Variants in WWOX observed in about 807,000 individuals in gnomAD.
The protein encoded by WWOX is WW domain-containing oxidoreductase.
Under a neutral mutation model 46.2 loss-of-function variants are expected in WWOX, and 69 were observed. The ratio of observed to expected loss-of-function variants is 1.49; its 90% CI spans 1.23 to 1.82. WWOX has a LOEUF of 1.82. WWOX is among the 40% of genes most tolerant of loss of function. The probability of loss-of-function intolerance (pLI) is 0.00; values close to 1 mark genes in which losing one functional copy is unlikely to be tolerated. For synonymous variants in WWOX, 359 were observed against 202.6 expected (o/e 1.77, Z -6.56); for missense variants, 919 against 542.6 (o/e 1.69, Z -6.89).
chr16:78,623,713 C>T (rs1254795905), intron 8 of WWOX, among the ~76,000 whole-genome samples: 2 of 138,608 alleles, frequency 1.4e-5, no homozygotes, highest in African/African-American at 5.5e-5. Context: ...CCAGCCTGGG[C>T]AACAGAGTCA....
chr16:78,657,819 T>G (rs890315236), intron 8 of WWOX, among the ~76,000 whole-genome samples: 9 of 152,172 alleles, frequency 5.9e-5, no homozygotes, highest in Non-Finnish European at 8.8e-5. Context: ...TTTTGTTTTT[T>G]TGTGTGTGTG....
intron 8 of WWOX, among the ~76,000 whole-genome samples, chr16:78,830,507 A>G (rs1450988077): frequency 6.6e-6 from 1 of 151,992 alleles, no homozygotes; most frequent in East Asian, 1.9e-4. Context: ...TAGAGTAAAC[A>G]AATTACCCAT....
rs1313185926 is a variant in WWOX at position 78,099,775 on chromosome 16, A to AG, written c.-3dup. On this transcript the variant is annotated 5_prime_UTR_variant, in exon 1 of 9. Coordinates refer to ENST00000566780, the MANE Select transcript of WWOX (RefSeq NM_016373.4). ...AGGGGGGCCAGGTGCCTCCACAGTC[A>AG]GCCATGGCAGCGCTGCGCTACGCGG... 1 of 1,544,372 alleles carries AG rather than the reference A, an allele frequency of 6.5e-7. No homozygotes were observed. Among genetic ancestry groups the AG allele is most frequent in the Admixed American group, 2.1e-5 (1 of 48,756 alleles).
chr16:78,891,568 TTC>T (rs1233839311), intron 8 of WWOX: 2 of 152,240 alleles, frequency 1.3e-5, no homozygotes, highest in Non-Finnish European at 2.9e-5. Context: ...TTAAATTAAA[TTC>T]TCTGTCGATA....
chr16:78,502,692 A>C (rs554557453), intron 8 of WWOX, among the ~76,000 whole-genome samples: 96 of 152,318 alleles, frequency 6.3e-4, no homozygotes, highest in African/African-American at 2.2e-3. Flanking sequence ...CTTTGATGAC[A>C]TGTCTTGGCA....
intron 4 of WWOX, among the ~76,000 whole-genome samples, chr16:78,122,706 G>A (rs1474436925): frequency 6.6e-6 from 1 of 151,838 alleles, no homozygotes; most frequent in Non-Finnish European, 1.5e-5. Context: ...CCGGGTTGAA[G>A]TGATTCTCCT....
chr16:78,286,407 A>G (rs141458666), intron 5 of WWOX, among the ~76,000 whole-genome samples: 31 of 152,326 alleles, frequency 2.0e-4, no homozygotes, highest in African/African-American at 7.5e-4. Context: ...TAGTATTGTT[A>G]GACTTAGCTG....
At chr16:78,750,464 A>G (rs1177620610) in intron 8 of WWOX, among the ~76,000 whole-genome samples, 1 of 152,130 alleles carries the variant, frequency 6.6e-6, no homozygotes, top group Non-Finnish European at 1.5e-5. Context: ...TGTGTAAGTA[A>G]ACTGGGATTT....
At chr16:78,796,867 C>A (rs558629662) in intron 8 of WWOX, among the ~76,000 whole-genome samples, 1 of 151,058 alleles carries the variant, frequency 6.6e-6, no homozygotes, top group South Asian at 2.1e-4. Flanking sequence ...ACTCTGTCAC[C>A]TAGGCTGGAG....
intron 8 of WWOX, among the ~76,000 whole-genome samples, chr16:78,501,833 G>A (rs1388515068): frequency 1.3e-5 from 2 of 152,130 alleles, no homozygotes; most frequent in Non-Finnish European, 2.9e-5. Context: ...TGAAACTAGC[G>A]ATGCCCTGGG....
At chr16:79,028,849 G>T (rs1292561489) in intron 8 of WWOX, among the ~76,000 whole-genome samples, 1 of 151,414 alleles carries the variant, frequency 6.6e-6, no homozygotes, top group African/African-American at 2.4e-5. Context: ...TATCACAAAA[G>T]CATTCTGAAA....
At chr16:79,198,326 A>T (rs1190160383) in intron 8 of WWOX, among the ~76,000 whole-genome samples, 1 of 152,178 alleles carries the variant, frequency 6.6e-6, no homozygotes, top group Non-Finnish European at 1.5e-5. Flanking sequence ...TGAGAGACAG[A>T]CTGTCTCAAA....
intron 5 of WWOX, among the ~76,000 whole-genome samples, chr16:78,280,109 C>T (rs983365111): frequency 1.3e-5 from 2 of 152,210 alleles, no homozygotes; most frequent in African/African-American, 4.8e-5. Flanking sequence ...GCAGGCTCTA[C>T]CCAACTGGGG....
intron 8 of WWOX, among the ~76,000 whole-genome samples, chr16:78,885,700 A>G (rs769620502): frequency 7.2e-5 from 11 of 152,192 alleles, no homozygotes; most frequent in South Asian, 2.1e-4. Flanking sequence ...GGATAACTCA[A>G]TACATTAATA....
At chr16:79,138,774 A>G (rs1440694439) in intron 8 of WWOX, among the ~76,000 whole-genome samples, 2 of 152,118 alleles carry the variant, frequency 1.3e-5, no homozygotes, top group African/African-American at 4.8e-5. Context: ...CTGACATCTC[A>G]TTTCTCTTTG....
intron 8 of WWOX, among the ~76,000 whole-genome samples, chr16:78,458,570 C>A (rs193151439): frequency 2.0e-5 from 3 of 152,112 alleles, no homozygotes; most frequent in Admixed American, 2.0e-4. Context: ...CATTGGTATA[C>A]CATTGTTTTT....
At chr16:78,424,014 C>T (rs1243776502) in intron 6 of WWOX, among the ~76,000 whole-genome samples, 1 of 151,854 alleles carries the variant, frequency 6.6e-6, no homozygotes, top group Non-Finnish European at 1.5e-5. Flanking sequence ...GCGATTACCC[C>T]CTTGCTATGT....
chr16:78,449,116 C>G (rs12448381), intron 8 of WWOX, among the ~76,000 whole-genome samples: 19,419 of 152,170 alleles, frequency 0.13, 1,544 homozygotes, highest in East Asian at 0.3. Flanking sequence ...AGCCCACGTG[C>G]TTGCTGGTAG....
rs1426915335 is a variant in WWOX, at chr16:78,422,792, C to T, written c.606-2078C>T. On this transcript the variant is annotated intron_variant, in intron 6 of 8. Coordinates refer to ENST00000566780, the MANE Select transcript of WWOX (RefSeq NM_016373.4). ...ATACACACATATATATATACACACA[C>T]ACATATATATACACACACATATATA... Among the ~76,000 whole-genome samples the T allele has an allele frequency of 8.3e-5, 10 of 120,646 alleles. 1 individual carries two copies. The highest frequency in any genetic ancestry group is 4.7e-4 in the African/African-American group (10 of 21,504). The allele number at this position is 120,646 out of a possible 152,430, so 79.1% of individuals were successfully genotyped here.
Sources: gnomAD v4.1 joint callset for allele counts (sites outside exome capture counted in the v4.1 genomes callset) on GRCh38, gnomAD v4.1.1 for gene constraint, MANE v1.5 for transcripts, NCBI Gene and HGNC (gene_info 2026-07-23, HGNC 2026-07-21) for gene names.